The following RFC3 variants were observed in gnomAD, a reference collection of about 807,000 sequenced individuals.
RFC3 encodes A1 38 kDa subunit.
Under a neutral mutation model 45.1 loss-of-function variants are expected in RFC3, and 41 were observed. The observed-to-expected ratio is 0.91, with a 90% CI of 0.71 to 1.18. RFC3 has a LOEUF of 1.18. Ranked by LOEUF, RFC3 falls within the 50% of genes most tolerant of loss-of-function variation. The pLI is 0.00. For synonymous variants in RFC3, 149 were observed against 144.0 expected (o/e 1.03, Z -0.25); for missense variants, 423 against 428.1 (o/e 0.99, Z 0.10).
chr13:33,831,391 A>G (rs757418254), intron 7 of RFC3, 37 bp downstream of exon 7: 1 of 1,090,712 alleles, frequency 9.2e-7, no homozygotes, highest in Non-Finnish European at 1.4e-6. Context: ...AGCTTTCATT[A>G]TCAGGATATC....
intron 8 of RFC3, chr13:33,849,473 A>G (rs532512082): frequency 1.3e-5 from 2 of 152,364 alleles, no homozygotes; most frequent in South Asian, 4.1e-4. Context: ...AATGGAAAAT[A>G]TAACAGTCAG....
chr13:33,913,692 A>G (rs9570595), intron 8 of RFC3, among the ~76,000 whole-genome samples: 4,484 of 152,242 alleles, frequency 0.029, 105 homozygotes, highest in East Asian at 0.11. Flanking sequence ...GAAATATCGT[A>G]TATGAAGTTC....
chr13:33,896,246 A>T, intron 8 of RFC3, among the ~76,000 whole-genome samples: 1 of 151,786 alleles, frequency 6.6e-6, no homozygotes, highest in East Asian at 1.9e-4. Flanking sequence ...AGAAAGTATA[A>T]AATAGTTTAA....
chr13:33,944,229 A>G (rs2082941852), intron 8 of RFC3, among the ~76,000 whole-genome samples: 1 of 152,216 alleles, frequency 6.6e-6, no homozygotes, highest in African/African-American at 2.4e-5. Flanking sequence ...GTGACAAGTG[A>G]CATCCTTTTT....
At chr13:33,824,041 CTT>C in intron 3 of RFC3, 57 bp downstream of exon 3, 1 of 849,784 alleles carries the variant, frequency 1.2e-6, no homozygotes, top group Non-Finnish European at 1.8e-6. Flanking sequence ...TTTGGGCTTT[CTT>C]TTTTTAAAAG....
At chr13:33,954,346 A>G (rs1390838240) in intron 8 of RFC3, among the ~76,000 whole-genome samples, 1 of 152,212 alleles carries the variant, frequency 6.6e-6, no homozygotes, top group Non-Finnish European at 1.5e-5. Flanking sequence ...AGAACATAGA[A>G]GACCCCTGAG....
At chr13:33,866,717 A>G (rs1339253161) in intron 8 of RFC3, among the ~76,000 whole-genome samples, 5 of 152,172 alleles carry the variant, frequency 3.3e-5, no homozygotes, top group Admixed American at 1.3e-4. Flanking sequence ...GTGATTTACC[A>G]TGGTAACTGG....
intron 8 of RFC3, among the ~76,000 whole-genome samples, chr13:33,865,201 C>G (rs2082365469): frequency 1.3e-5 from 2 of 152,068 alleles, no homozygotes; most frequent in Non-Finnish European, 2.9e-5. Context: ...GCACAGTAAT[C>G]CTCCCAATTC....
rs777094741 is a variant in RFC3 at position 33,830,832 on chromosome 13, G to A, written c.687G>A (p.Met229Ile). 3.1e-6 allele frequency: 5 copies of A among 1,613,624 alleles called. No individual in the cohort carries two copies. The African/African-American group carries it at 6.7e-5, about 22-fold the overall frequency. ...GAAATCTCAGAAAAGCCCTGCTTAT[G>A]TGTGAAGCCTGCAGAGTGCAACAGT... Reference protein sequence around the residue: ...SCRNLRKALLMCEACRVQQYP... With the variant: ...SCRNLRKALLICEACRVQQYP... The change falls in exon 6 of 9, where the codon ATG becomes ATA. Residue 229 changes from methionine to isoleucine, a missense_variant. Met to Ile is a conservative substitution (Grantham distance 10). Transcript: ENST00000380071.
rs1267640784 is a variant in RFC3, at chr13:33,845,988, G to A, written c.879+10771G>A. Among the ~76,000 whole-genome samples the A allele has an allele frequency of 4.6e-5, 7 of 152,150 alleles. No homozygotes were observed. In the South Asian group the frequency reaches 6.2e-4, roughly 14 times the overall value. On this transcript the variant is annotated intron_variant, in intron 8 of 8. Transcript: ENST00000434425. ...TACTGTAGCCATATATGCATTAGGG[G>A]GCACCCCAGTAATGCTGTGACTCTT...
At chr13:33,968,807 T>C (rs2083099270), downstream of RFC3, among the ~76,000 whole-genome samples, 1 of 152,198 alleles carries the variant, frequency 6.6e-6, no homozygotes, top group African/African-American at 2.4e-5. Context: ...AAATTGCCTC[T>C]TACGTTGTCT....
At chr13:33,927,564 T>G (rs1016221300) in intron 8 of RFC3, among the ~76,000 whole-genome samples, 2 of 152,284 alleles carry the variant, frequency 1.3e-5, no homozygotes, top group South Asian at 4.1e-4. Flanking sequence ...GTGTGACTCA[T>G]GTAGCAATTA....
At chr13:33,968,096 T>C (rs1158287501), downstream of RFC3, among the ~76,000 whole-genome samples, 1 of 152,166 alleles carries the variant, frequency 6.6e-6, no homozygotes, top group Non-Finnish European at 1.5e-5. Flanking sequence ...GTCAACACCT[T>C]ACCTCTCTAA....
chr13:33,938,894 C>T (rs965549206), intron 8 of RFC3, among the ~76,000 whole-genome samples: 11 of 152,130 alleles, frequency 7.2e-5, no homozygotes, highest in Non-Finnish European at 1.2e-4. Context: ...GTAATAAGCT[C>T]TTCAATCTTT....
At chr13:33,827,104 A>C (rs181004186) in intron 4 of RFC3, among the ~76,000 whole-genome samples, 2 of 152,204 alleles carry the variant, frequency 1.3e-5, no homozygotes, top group Admixed American at 1.3e-4. Context: ...CATTAATATC[A>C]TAGGTTATAT....
intron 8 of RFC3, among the ~76,000 whole-genome samples, chr13:33,896,343 A>G (rs1219456833): frequency 6.6e-6 from 1 of 152,090 alleles, no homozygotes; most frequent in Non-Finnish European, 1.5e-5. Context: ...AATAGTTTCA[A>G]CCCAAGTAAG....
At chr13:33,860,800 T>G (rs2082336136) in intron 8 of RFC3, among the ~76,000 whole-genome samples, 1 of 152,206 alleles carries the variant, frequency 6.6e-6, no homozygotes, top group South Asian at 2.1e-4. Flanking sequence ...TCCTCCTGGT[T>G]AGTGATACTT....
chr13:33,953,652 A>G (rs868077838), intron 8 of RFC3, among the ~76,000 whole-genome samples: 3 of 152,180 alleles, frequency 2.0e-5, no homozygotes, highest in Admixed American at 2.0e-4. Flanking sequence ...AAAGTCAGCT[A>G]GAATTCCGAG....
At chr13:33,825,940 C>CT (rs1234164096) in intron 4 of RFC3, 54 bp downstream of exon 4, 121 of 1,122,962 alleles carry the variant, frequency 1.1e-4, no homozygotes, top group Middle Eastern at 4.0e-4. Context: ...AGTGCTCTCT[C>CT]TTTTTTTTGA....
Sources: allele counts gnomAD v4.1 joint callset (sites outside exome capture counted in the v4.1 genomes callset), GRCh38; gene constraint gnomAD v4.1.1; transcripts MANE v1.5; gene names NCBI Gene and HGNC (gene_info 2026-07-23, HGNC 2026-07-21).